The following LRRC27 variants were observed in gnomAD, a reference collection of about 807,000 sequenced individuals.
LRRC27 encodes the protein leucine-rich repeat-containing protein 27.
Under a neutral mutation model 55.0 loss-of-function variants are expected in LRRC27, and 57 were observed. The observed-to-expected ratio is 1.04, with a 90% confidence interval of 0.84 to 1.29. The LOEUF (loss-of-function observed/expected upper bound fraction) is 1.29. LRRC27 is among the 50% of genes most tolerant of loss of function. LRRC27 has a pLI of 0.00. For synonymous variants in LRRC27, 278 were observed against 251.9 expected (o/e 1.10, Z -0.98); for missense variants, 721 against 651.5 (o/e 1.11, Z -1.16).
chr10:132,344,920 AT>A (rs1258003635), intron 5 of LRRC27: 1 of 313,060 alleles, frequency 3.2e-6, no homozygotes, highest in Non-Finnish European at 5.9e-6. Context: ...TGAAACAGTT[AT>A]CACCTCCAAG....
At chr10:132,340,993 A>G (rs186379616) in intron 3 of LRRC27, among the ~76,000 whole-genome samples, 1 of 152,310 alleles carries the variant, frequency 6.6e-6, no homozygotes, top group Admixed American at 6.5e-5. Context: ...CAATAAAAAA[A>G]TTAAAGGTAA....
In LRRC27 at chr10:132,379,569, A is replaced by C. The variant is rs1343694174; in HGVS notation, c.*4327A>C. On this transcript the variant is annotated 3_prime_UTR_variant, in exon 11 of 11. Coordinates refer to ENST00000368614, the MANE Select transcript of LRRC27 (RefSeq NM_030626.3). The stretch of plus-strand genomic sequence containing the variant: ...TAGATCCTTTTACATCATCATTATA[A>C]TGATTTTTTTTTAATAAGTGTTTTC... 6.6e-6 allele frequency: 1 copy of C among 152,054 alleles called. No individual in the cohort carries two copies. Among genetic ancestry groups the C allele is most frequent in the Non-Finnish European group, 1.5e-5 (1 of 68,026 alleles). The allele number at this position is 152,054 out of a possible 1,614,324, so 9.4% of individuals were successfully genotyped here.
At chr10:132,364,102 CTG>C (rs1270827212) in intron 9 of LRRC27, among the ~76,000 whole-genome samples, 3 of 152,008 alleles carry the variant, frequency 2.0e-5, no homozygotes. Context: ...AAGCTGGAGT[CTG>C]AGGCGCTGAC....
chr10:132,331,310 G>T, upstream of LRRC27: 1 of 941,784 alleles, frequency 1.1e-6, no homozygotes, highest in Non-Finnish European at 1.5e-6. Flanking sequence ...TTCATTATCA[G>T]TTGGATCCTG....
At chr10:132,344,698 A>G in intron 5 of LRRC27, 48 bp downstream of exon 5, 1 of 1,599,260 alleles carries the variant, frequency 6.3e-7, no homozygotes, top group Non-Finnish European at 8.6e-7. Flanking sequence ...TTGAAGTTAC[A>G]GCTTTTTAAA....
At chr10:132,366,680 C>T (rs2069094638) in intron 10 of LRRC27, 4 of 298,712 alleles carry the variant, frequency 1.3e-5, no homozygotes, top group South Asian at 4.5e-5. Context: ...TCTTCCAGGT[C>T]AGTGTACCAT....
chr10:132,340,813 GTACAAAAA>G (rs1328897956), intron 3 of LRRC27, among the ~76,000 whole-genome samples: 1 of 142,938 alleles, frequency 7.0e-6, no homozygotes, highest in Non-Finnish European at 1.5e-5. Flanking sequence ...AAAAAAAAAA[GTACAAAAA>G]AATTAGCCAA....
At chr10:132,364,292 T>G (rs1184267868) in intron 9 of LRRC27, among the ~76,000 whole-genome samples, 5 of 148,306 alleles carry the variant, frequency 3.4e-5, no homozygotes, top group Non-Finnish European at 7.5e-5. Context: ...CAGTGGCGCA[T>G]GCACCCACGC....
intron 5 of LRRC27, among the ~76,000 whole-genome samples, chr10:132,345,272 A>C (rs1248300814): frequency 6.6e-6 from 1 of 152,262 alleles, no homozygotes; most frequent in Non-Finnish European, 1.5e-5. Context: ...AAATATTGTC[A>C]GAATATTTAA....
At chr10:132,338,393 TAGTG>T (rs1564822464) in intron 3 of LRRC27, among the ~76,000 whole-genome samples, 3 of 152,204 alleles carry the variant, frequency 2.0e-5, no homozygotes, top group African/African-American at 7.2e-5. Flanking sequence ...TCTTGGCAAA[TAGTG>T]AGAAATTCTT....
At chr10:132,369,472 C>T (rs778640394) in intron 10 of LRRC27, among the ~76,000 whole-genome samples, 6 of 152,066 alleles carry the variant, frequency 3.9e-5, no homozygotes, top group Non-Finnish European at 7.4e-5. Flanking sequence ...ACGGGGGAGC[C>T]GACATGCCAG....
chr10:132,337,518 A>G, intron 2 of LRRC27, 47 bp from the exon 3 acceptor site: 1 of 1,606,406 alleles, frequency 6.2e-7, no homozygotes, highest in Non-Finnish European at 8.5e-7. Flanking sequence ...ATGTTTTACA[A>G]ATTAGTTGGT....
In LRRC27 at chr10:132,374,292, C is replaced by A. The variant is rs1443121936; in HGVS notation, c.1417-774C>A. 1.3e-5 allele frequency among the ~76,000 whole-genome samples: 2 copies of A among 152,092 alleles called. No individual in the cohort carries two copies. Among genetic ancestry groups the A allele is most frequent in the Non-Finnish European group, 2.9e-5 (2 of 68,008 alleles). The stretch of plus-strand genomic sequence containing the variant: ...TGGGACCTGCACTGGAGGTAGTGTC[C>A]AACCTGTGCCCCCAGCAAGGCAAGC... On this transcript the variant is annotated intron_variant, in intron 10 of 10. Coordinates refer to ENST00000368614, the MANE Select transcript of LRRC27 (RefSeq NM_030626.3). The surrounding 1 kb of genome is among the most constrained non-coding windows in gnomAD (Gnocchi z 4.4).
chr10:132,365,307 A>G, intron 9 of LRRC27, 117 bp from the exon 10 acceptor site: 1 of 1,387,638 alleles, frequency 7.2e-7, no homozygotes. Flanking sequence ...CGGGAGCCTC[A>G]GGACCGCTGT....
At chr10:132,357,849 C>A (rs1334867654) in intron 8 of LRRC27, among the ~76,000 whole-genome samples, 1 of 152,196 alleles carries the variant, frequency 6.6e-6, no homozygotes, top group African/African-American at 2.4e-5. Context: ...CAGGCCCTGC[C>A]CACGGGAGCG....
intron 8 of LRRC27, among the ~76,000 whole-genome samples, chr10:132,359,952 C>T (rs1349883793): frequency 6.6e-6 from 1 of 152,214 alleles, no homozygotes; most frequent in African/African-American, 2.4e-5. Flanking sequence ...TGCTTGCTCA[C>T]TCAAGAGCTG....
At chr10:132,365,329 A>T in intron 9 of LRRC27, 95 bp from the exon 10 acceptor site, 1 of 1,535,346 alleles carries the variant, frequency 6.5e-7, no homozygotes, top group Non-Finnish European at 8.9e-7. Context: ...TGGTCTGGGA[A>T]GAAAGGCACA....
At chr10:132,350,131 C>G (rs888974915) in intron 6 of LRRC27, among the ~76,000 whole-genome samples, 1 of 152,100 alleles carries the variant, frequency 6.6e-6, no homozygotes, top group African/African-American at 2.4e-5. Flanking sequence ...GTGGCCTGGG[C>G]CTGCTTATAA....
intron 9 of LRRC27, among the ~76,000 whole-genome samples, chr10:132,364,640 ACACC>A (rs1461398540): frequency 0.019 from 582 of 30,026 alleles, 77 homozygotes; most frequent in Middle Eastern, 0.068. Flanking sequence ...CCCACACTTA[ACACC>A]CACCCACACT....
Sources: gnomAD v4.1 joint callset for allele counts (sites outside exome capture counted in the v4.1 genomes callset) on GRCh38, gnomAD v4.1.1 for gene constraint, Gnocchi (gnomAD v3.1) non-coding constraint, MANE v1.5 for transcripts, NCBI Gene and HGNC (gene_info 2026-07-23, HGNC 2026-07-21) for gene names.